Variants in CCDC102B observed in about 807,000 individuals in gnomAD.
CCDC102B encodes the protein coiled-coil domain-containing protein 102B.
Under a neutral mutation model 57.4 loss-of-function variants are expected in CCDC102B, and 75 were observed. That is an observed-to-expected ratio of 1.31 (90% CI 1.08 to 1.58). CCDC102B has a LOEUF of 1.58. Ranked by LOEUF, CCDC102B falls within the 40% of genes most tolerant of loss-of-function variation. The pLI is 0.00. For missense variants in CCDC102B, 636 were observed against 582.6 expected (o/e 1.09, Z -0.94); for synonymous variants, 206 against 201.9 (o/e 1.02, Z -0.17).
chr18:68,873,260 T>C (rs1249922547), intron 4 of CCDC102B, among the ~76,000 whole-genome samples: 1 of 152,140 alleles, frequency 6.6e-6, no homozygotes, highest in Non-Finnish European at 1.5e-5. Flanking sequence ...GTGTGCTCTC[T>C]TTATGTTACC....
chr18:69,016,289 A>G (rs1264400706), intron 7 of CCDC102B, among the ~76,000 whole-genome samples: 1 of 152,188 alleles, frequency 6.6e-6, no homozygotes, highest in Non-Finnish European at 1.5e-5. Flanking sequence ...ATAATAATGC[A>G]ATAAGCAAAA....
intron 2 of CCDC102B, among the ~76,000 whole-genome samples, chr18:68,777,948 T>C (rs2144627852): frequency 6.6e-6 from 1 of 152,264 alleles, no homozygotes; most frequent in South Asian, 2.1e-4. Flanking sequence ...AGGTTACAGG[T>C]ACTAGATTCA....
chr18:68,736,499 CAT>C (rs2145212916), intron 2 of CCDC102B, among the ~76,000 whole-genome samples: 1 of 152,308 alleles, frequency 6.6e-6, no homozygotes, highest in East Asian at 1.9e-4. Context: ...GCACCGCGCA[CAT>C]CTTTATATCA....
At chr18:68,724,707 C>T (rs113848215) in intron 2 of CCDC102B, among the ~76,000 whole-genome samples, 5,522 of 152,276 alleles carry the variant, frequency 0.036, 176 homozygotes, top group African/African-American at 0.083. Context: ...AAGTTCCAAA[C>T]TTTCCCACAT....
At chr18:68,752,292 A>T (rs1397221277) in intron 2 of CCDC102B, among the ~76,000 whole-genome samples, 1 of 152,096 alleles carries the variant, frequency 6.6e-6, no homozygotes, top group Non-Finnish European at 1.5e-5. Flanking sequence ...AACATCAAGT[A>T]ACAGTGATAA....
At chr18:69,009,949 T>TG (rs2051461751) in intron 6 of CCDC102B, among the ~76,000 whole-genome samples, 1 of 132,360 alleles carries the variant, frequency 7.6e-6, no homozygotes, top group Non-Finnish European at 1.6e-5. Context: ...TTTTTTTTTT[T>TG]GAGACGGAGC....
At chr18:68,877,361 A>T (rs1433070705) in intron 5 of CCDC102B, among the ~76,000 whole-genome samples, 1 of 152,208 alleles carries the variant, frequency 6.6e-6, no homozygotes, top group Non-Finnish European at 1.5e-5. Flanking sequence ...CAACACATCT[A>T]GTGTTTAACA....
At chr18:68,957,883 C>A (rs771646039) in intron 6 of CCDC102B, among the ~76,000 whole-genome samples, 11 of 152,026 alleles carry the variant, frequency 7.2e-5, no homozygotes, top group Non-Finnish European at 1.5e-4. Flanking sequence ...AATGACATTA[C>A]CTTCTACATT....
rs556063978 is a variant in CCDC102B, at chr18:68,820,343, A to T, written c.-15-16406A>T. On this transcript the variant is annotated intron_variant, in intron 1 of 7. Transcript: ENST00000360242. Reference sequence around the variant, plus strand: ...CTTTATTTTGTTAACATGGTTTATTAAGTCAATCACAATGATTGATAATCA... The same window carrying T: ...CTTTATTTTGTTAACATGGTTTATTTAGTCAATCACAATGATTGATAATCA... 1.6e-3 allele frequency among the ~76,000 whole-genome samples: 247 copies of T among 152,264 alleles called. 2 individuals are homozygous for T. The highest frequency in any genetic ancestry group is 5.7e-3 in the African/African-American group (239 of 41,570).
At chr18:68,805,027 G>A (rs1039906311) in intron 1 of CCDC102B, among the ~76,000 whole-genome samples, 2 of 151,976 alleles carry the variant, frequency 1.3e-5, no homozygotes, top group Non-Finnish European at 2.9e-5. Flanking sequence ...CATACAAATG[G>A]GAAGTTTGGT....
At chr18:69,038,893 A>G (rs1217043741) in intron 7 of CCDC102B, among the ~76,000 whole-genome samples, 1 of 152,090 alleles carries the variant, frequency 6.6e-6, no homozygotes, top group Admixed American at 6.6e-5. Flanking sequence ...ATGCATATCC[A>G]TAAATCTTAA....
At position 68,734,949 on chromosome 18, in the gene CCDC102B, A is replaced by G. The variant is rs147249849; in HGVS notation, c.-67+18355A>G. On this transcript the variant is annotated intron_variant, in intron 2 of 3. Transcript: ENST00000578970. ...CGTATCTCTTGCAGCAACTCATTTT[A>G]GTAGTATTTCCTTCATGAAAGTTTA... 3.9e-5 allele frequency among the ~76,000 whole-genome samples: 6 copies of G among 152,366 alleles called. No individual in the cohort carries two copies. The East Asian group carries it at 9.6e-4, about 24-fold the overall frequency.
At chr18:68,727,523 G>T (rs2032652974) in intron 2 of CCDC102B, among the ~76,000 whole-genome samples, 1 of 152,216 alleles carries the variant, frequency 6.6e-6, no homozygotes, top group Admixed American at 6.5e-5. Context: ...CACAGAAGCA[G>T]TCTGCTATGA....
chr18:69,033,135 T>A (rs1438124853), intron 7 of CCDC102B, among the ~76,000 whole-genome samples: 2 of 152,134 alleles, frequency 1.3e-5, no homozygotes, highest in African/African-American at 4.8e-5. Flanking sequence ...ATGATATTCT[T>A]AAGAACCTTG....
intron 4 of CCDC102B, among the ~76,000 whole-genome samples, chr18:68,851,274 A>C (rs112688409): frequency 3.3e-5 from 5 of 152,088 alleles, no homozygotes; most frequent in African/African-American, 1.2e-4. Context: ...TCCATCCCTA[A>C]GGATTTTAGA....
chr18:68,883,005 G>C (rs1367491213), intron 5 of CCDC102B, among the ~76,000 whole-genome samples: 1 of 152,064 alleles, frequency 6.6e-6, no homozygotes, highest in Non-Finnish European at 1.5e-5. Context: ...GAGAGGATCA[G>C]GAAAAAACAA....
intron 2 of CCDC102B, among the ~76,000 whole-genome samples, chr18:68,758,995 A>G (rs536868383): frequency 6.6e-6 from 1 of 151,640 alleles, no homozygotes; most frequent in African/African-American, 2.4e-5. Flanking sequence ...TAACAACAGA[A>G]TGCCACCCCT....
intron 6 of CCDC102B, among the ~76,000 whole-genome samples, chr18:68,994,581 C>T (rs1231306502): frequency 2.0e-5 from 3 of 150,300 alleles, no homozygotes; most frequent in African/African-American, 4.9e-5. Context: ...GGAGTGTTTT[C>T]GCCCTTGTGG....
chr18:68,969,099 A>G (rs2050233034), intron 6 of CCDC102B, among the ~76,000 whole-genome samples: 1 of 152,176 alleles, frequency 6.6e-6, no homozygotes, highest in Non-Finnish European at 1.5e-5. Context: ...ACATTAGCCT[A>G]AAATTTGGAT....
Sources: allele counts gnomAD v4.1 joint callset (sites outside exome capture counted in the v4.1 genomes callset), GRCh38; gene constraint gnomAD v4.1.1; transcripts MANE v1.5; gene names NCBI Gene and HGNC (gene_info 2026-07-23, HGNC 2026-07-21).